The following SECISBP2L variants were observed in gnomAD, a reference collection of about 807,000 sequenced individuals.
SECISBP2L encodes the protein selenocysteine insertion sequence-binding protein 2-like.
SECISBP2L carries 43 observed loss-of-function variants against 114.7 expected under a neutral mutation model. The ratio of observed to expected loss-of-function variants is 0.38; its 90% CI spans 0.29 to 0.48. SECISBP2L has a LOEUF of 0.48. Among genes scored for constraint, SECISBP2L ranks in the 20% least tolerant of loss-of-function variants. SECISBP2L has a pLI of 0.98. For synonymous variants in SECISBP2L, 451 were observed against 439.7 expected, an observed-to-expected ratio of 1.03 and a Z score of -0.32; for missense variants, 1,136 against 1,301.1, an observed-to-expected ratio of 0.87 and a Z score of 1.95.
intron 13 of SECISBP2L, among the ~76,000 whole-genome samples, chr15:49,011,238 T>C (rs1227617769): frequency 1.3e-5 from 2 of 152,198 alleles, no homozygotes; most frequent in Non-Finnish European, 2.9e-5. Flanking sequence ...ACTGGAATCA[T>C]ATGTGTTGCT....
At chr15:49,043,608 G>GTTTTT (rs5812473) in intron 1 of SECISBP2L, among the ~76,000 whole-genome samples, 7 of 143,812 alleles carry the variant, frequency 4.9e-5, no homozygotes, top group Non-Finnish European at 7.5e-5. Context: ...CAAAATGCAA[G>GTTTTT]TTTTTTTTTT....
At position 48,993,100 on chromosome 15, in the gene SECISBP2L, A is replaced by AGTGTGTGTGTGT. The variant is rs71120653; in HGVS notation, c.2624-186_2624-175dup. Among the ~76,000 whole-genome samples, 450 of 139,218 alleles carry AGTGTGTGTGTGT rather than the reference A, an allele frequency of 3.2e-3. 8 individuals carry two copies. The highest frequency in any genetic ancestry group is 0.012 in the African/African-American group (428 of 35,424). The allele number at this position is 139,218 out of a possible 152,430, so 91.3% of individuals were successfully genotyped here. A position where few individuals can be genotyped will look rare whatever the true frequency, so the allele number is the denominator to read the frequency against. On this transcript the variant is annotated intron_variant, in intron 17 of 17. Coordinates refer to ENST00000559471, the MANE Select transcript of SECISBP2L (RefSeq NM_001193489.2). ...TAGTACTAGTTTGAGACAGAGAGAG[A>AGTGTGTGTGTGT]GTGTGTGTGTGTGTGTGTGTGTGTG...
At chr15:49,005,267 T>C (rs950893933) in intron 14 of SECISBP2L, among the ~76,000 whole-genome samples, 2 of 151,882 alleles carry the variant, frequency 1.3e-5, no homozygotes, top group Non-Finnish European at 2.9e-5. Context: ...GAGGTGGAGG[T>C]TGCAATAAGC....
chr15:49,028,673 G>T lies in SECISBP2L; in HGVS notation c.674C>A (p.Ser225Ter). ...TGAGAGAGACTTGTTAGCGATATCT[G>T]ATGGGAAATCTACAAAGGCAAGGAA... ...VDASQQTDFP[S>*]DIANKSLSET... The change falls in exon 5 of 18, where the codon TCA becomes TAA. Residue 225 changes from serine to a stop codon, truncating the protein, a stop_gained. Transcript: ENST00000559471. LOFTEE classifies it high-confidence loss of function. 6.2e-7 allele frequency: 1 copy of T among 1,613,424 alleles called. No individual in the cohort carries two copies.
chr15:48,992,426 C>T lies in SECISBP2L; in HGVS notation c.3124G>A (p.Glu1042Lys), dbSNP rs749782350. Residue 1042 changes from glutamate to lysine, a missense_variant, in exon 18 of 18, where the codon GAA becomes AAA. This residue lies in a region of SECISBP2L where 684 missense variants were observed against 848.7 expected (regional missense o/e 0.81). Coordinates refer to ENST00000559471, the MANE Select transcript of SECISBP2L (RefSeq NM_001193489.2). ...QLGKTLNGSE[E>K]DNVEQSGEEE... ...TCTCCACTTTGCTCTACATTGTCTT[C>T]CTCAGAACCATTAAGGGTTTTTCCA... 6.2e-7 allele frequency: 1 copy of T among 1,614,186 alleles called. No homozygotes were observed. The highest frequency in any genetic ancestry group is 8.5e-7 in the Non-Finnish European group (1 of 1,180,038).
chr15:48,996,440 G>C lies in SECISBP2L; in HGVS notation c.2550C>G (p.Pro850=). ...VPHHMGHSRN[P]SAASAISFCS... ...AGAAAGAAATGGCACTTGCTGCAGAGGGATTCCGAGAATGTCCCATGTGGT... is the reference window on the plus strand; with the variant it reads ...AGAAAGAAATGGCACTTGCTGCAGACGGATTCCGAGAATGTCCCATGTGGT... Residue 850 remains proline (P), a synonymous_variant, in exon 17 of 18, where the codon CCC becomes CCG. Coordinates refer to ENST00000559471, the MANE Select transcript of SECISBP2L (RefSeq NM_001193489.2). The C allele has an allele frequency of 6.2e-7, 1 of 1,614,118 alleles. No homozygotes were observed. The highest frequency in any genetic ancestry group is 8.5e-7 in the Non-Finnish European group (1 of 1,180,008).
intron 11 of SECISBP2L, among the ~76,000 whole-genome samples, chr15:49,015,107 C>T (rs1219071191): frequency 6.6e-6 from 1 of 152,114 alleles, no homozygotes; most frequent in Admixed American, 6.5e-5. Flanking sequence ...GAAGTAGGTA[C>T]TCTCATATTA....
At chr15:49,001,224 A>G in intron 14 of SECISBP2L, 127 bp from the exon 15 acceptor site, 1 of 636,400 alleles carries the variant, frequency 1.6e-6, no homozygotes, top group East Asian at 2.8e-5. Flanking sequence ...AAGTCTCTTA[A>G]AGAAGTGTTT....
At chr15:49,012,991 CCTTTA>C in intron 11 of SECISBP2L, 174 bp from the exon 12 acceptor site, 1 of 606,714 alleles carries the variant, frequency 1.6e-6, no homozygotes, top group South Asian at 2.2e-5. Flanking sequence ...TTTTACCTAT[CCTTTA>C]GAGACTAAGC....
At chr15:49,030,177 G>A (rs1265919396) in intron 4 of SECISBP2L, among the ~76,000 whole-genome samples, 1 of 151,960 alleles carries the variant, frequency 6.6e-6, no homozygotes, top group African/African-American at 2.4e-5. Context: ...TTAATATGAT[G>A]TCATGTCATG....
At position 48,992,857 on chromosome 15, in the gene SECISBP2L, G is replaced by A. The variant is rs762146040; in HGVS notation, c.2693C>T (p.Ser898Phe). ...TTTTTCAGAAGTGCTGTGCTTACAG[G>A]ATACCTCTTTCTCATTTTCTGATGC... ...LEASENEKEV[S>F]CKHSTSEKPS... is the part of the protein sequence containing the mutation. The change falls in exon 18 of 18, where the codon TCC (serine) becomes TTC (phenylalanine). Residue 898 changes from serine to phenylalanine, a missense_variant. By Grantham distance (155) the Ser-to-Phe change is radical. Transcript: ENST00000559471. The A allele has an allele frequency of 6.2e-7, 1 of 1,614,178 alleles. No individual in the cohort carries two copies. The highest frequency in any genetic ancestry group is 1.1e-5 in the South Asian group (1 of 91,088).
intron 14 of SECISBP2L, among the ~76,000 whole-genome samples, chr15:49,004,730 A>T (rs910670064): frequency 6.6e-6 from 1 of 152,220 alleles, no homozygotes; most frequent in Non-Finnish European, 1.5e-5. Context: ...GTTTCCACGT[A>T]GTTGTGCAGT....
intron 12 of SECISBP2L, 144 bp downstream of exon 12, chr15:49,012,504 A>G: frequency 1.2e-6 from 1 of 809,294 alleles, no homozygotes; most frequent in Non-Finnish European, 2.0e-6. Flanking sequence ...TGAGCTTCAA[A>G]TTAACACATT....
intron 12 of SECISBP2L, 112 bp downstream of exon 12, chr15:49,012,536 G>T: frequency 9.3e-7 from 1 of 1,070,596 alleles, no homozygotes; most frequent in Non-Finnish European, 1.4e-6. Context: ...TCATGTGTAT[G>T]AATACTTCTC....
rs8040899 is a variant in SECISBP2L at position 48,990,045 on chromosome 15, C to T, written c.*2199G>A. On this transcript the variant is annotated 3_prime_UTR_variant, in exon 18 of 18. Transcript: ENST00000559471. ...GCTGGCAGAAGAGGTACTGCATATG[C>T]GAGAGCATTTACCGAACATATAAAT... is the stretch of plus-strand genomic sequence containing the variant. The T allele has an allele frequency of 2.6e-5, 4 of 152,692 alleles. No homozygotes were observed. The highest frequency in any genetic ancestry group is 3.9e-4 in the East Asian group (2 of 5,190). The allele number at this position is 152,692 out of a possible 1,614,324, so 9.5% of individuals were successfully genotyped here. A position where few individuals can be genotyped will look rare whatever the true frequency, so the allele number is the denominator to read the frequency against.
chr15:49,010,105 C>G (rs1312569380), intron 13 of SECISBP2L, among the ~76,000 whole-genome samples: 2 of 84,646 alleles, frequency 2.4e-5, no homozygotes, highest in African/African-American at 4.3e-5. Context: ...GCACTCCAGC[C>G]TGGGCAACAA....
At chr15:49,033,161 A>G in intron 3 of SECISBP2L, 61 bp from the exon 4 acceptor site, 2 of 1,525,196 alleles carry the variant, frequency 1.3e-6, no homozygotes, top group Non-Finnish European at 1.8e-6. Flanking sequence ...ACTGAACATT[A>G]TAAAAAACAC....
chr15:49,023,075 A>T (rs1013800005), intron 7 of SECISBP2L, among the ~76,000 whole-genome samples: 1 of 152,150 alleles, frequency 6.6e-6, no homozygotes, highest in Non-Finnish European at 1.5e-5. Flanking sequence ...AAACTTCTTA[A>T]TGTTATTTTA....
chr15:49,001,173 A>G, intron 14 of SECISBP2L, 76 bp from the exon 15 acceptor site: 1 of 893,408 alleles, frequency 1.1e-6, no homozygotes, highest in Non-Finnish European at 1.7e-6. Flanking sequence ...TTAAGAAAAT[A>G]TCTCTAAGAG....
Sources: gnomAD v4.1 joint callset for allele counts (sites outside exome capture counted in the v4.1 genomes callset) on GRCh38, gnomAD v4.1.1 for gene constraint, gnomAD v4.1.1 regional missense constraint, MANE v1.5 for transcripts, NCBI Gene and HGNC (gene_info 2026-07-23, HGNC 2026-07-21) for gene names.